UBE3D: variants seen among roughly 807,000 people sequenced by gnomAD.
The protein encoded by UBE3D is ubiquitin protein ligase E3D.
A neutral mutation model predicts 49.6 loss-of-function variants in UBE3D; 48 were observed. The ratio of observed to expected loss-of-function variants is 0.97; its 90% CI spans 0.77 to 1.23. UBE3D has a LOEUF of 1.23. Ranked by LOEUF, UBE3D falls within the 50% of genes most tolerant of loss-of-function variation. The pLI, the probability that UBE3D is intolerant of heterozygous loss-of-function variation, is 0.00. For synonymous variants in UBE3D, 189 were observed against 174.2 expected (o/e 1.08, Z -0.67); for missense variants, 452 against 468.4 (o/e 0.96, Z 0.32).
At chr6:82,927,401 G>T (rs1409461572) in intron 9 of UBE3D, among the ~76,000 whole-genome samples, 4 of 151,908 alleles carry the variant, frequency 2.6e-5, no homozygotes, top group Non-Finnish European at 5.9e-5. Context: ...AAAATTACTT[G>T]CTCAGATTTT....
intron 9 of UBE3D, among the ~76,000 whole-genome samples, chr6:82,937,890 A>G (rs1272375564): frequency 2.6e-5 from 4 of 152,110 alleles, no homozygotes; most frequent in African/African-American, 9.7e-5. Context: ...CAAGGGCCAG[A>G]TGGCACCCTA....
At chr6:82,920,649 T>C (rs1773260840) in intron 9 of UBE3D, among the ~76,000 whole-genome samples, 1 of 152,226 alleles carries the variant, frequency 6.6e-6, no homozygotes. Context: ...GAGATCTTCC[T>C]AATAAAGCAC....
chr6:83,035,285 T>G (rs935625760), intron 5 of UBE3D, among the ~76,000 whole-genome samples: 2 of 152,182 alleles, frequency 1.3e-5, no homozygotes, highest in African/African-American at 4.8e-5. Flanking sequence ...GGGACTTCCT[T>G]ATCCCGCTCT....
chr6:82,928,497 A>G (rs985219702), intron 9 of UBE3D, among the ~76,000 whole-genome samples: 5 of 152,186 alleles, frequency 3.3e-5, no homozygotes, highest in African/African-American at 1.2e-4. Flanking sequence ...AAATGTATTG[A>G]GAAGCTTAAA....
At chr6:82,995,515 C>CACACACACACAG (rs1171970963) in intron 8 of UBE3D, among the ~76,000 whole-genome samples, 5 of 151,862 alleles carry the variant, frequency 3.3e-5, no homozygotes, top group Admixed American at 6.6e-5. Flanking sequence ...CACACACACA[C>CACACACACACAG]AGTCACCAAC....
At chr6:82,887,552 T>C (rs1260253134), downstream of UBE3D, among the ~76,000 whole-genome samples, 1 of 149,968 alleles carries the variant, frequency 6.7e-6, no homozygotes, top group Non-Finnish European at 1.5e-5. Context: ...CTACTAAAAA[T>C]ACAAAAATTA....
At chr6:83,057,018 A>C (rs1194719406) in intron 2 of UBE3D, among the ~76,000 whole-genome samples, 4 of 152,250 alleles carry the variant, frequency 2.6e-5, no homozygotes, top group African/African-American at 9.6e-5. Context: ...TCTTAGAAAA[A>C]GCAAATTTTC....
chr6:82,984,392 T>C (rs956545409), intron 8 of UBE3D, among the ~76,000 whole-genome samples: 3 of 152,174 alleles, frequency 2.0e-5, no homozygotes, highest in African/African-American at 7.2e-5. Flanking sequence ...GTCCTTTAAT[T>C]TCCATCAATG....
chr6:83,045,984 A>G (rs1782999268), intron 3 of UBE3D, among the ~76,000 whole-genome samples: 1 of 152,198 alleles, frequency 6.6e-6, no homozygotes, highest in South Asian at 2.1e-4. Context: ...AATCTGAGTT[A>G]GTCTAATATT....
At chr6:83,060,865 G>A (rs907394720) in intron 1 of UBE3D, among the ~76,000 whole-genome samples, 1 of 152,094 alleles carries the variant, frequency 6.6e-6, no homozygotes, top group Non-Finnish European at 1.5e-5. Context: ...AAAACCCACT[G>A]AGTAACCCAC....
intron 4 of UBE3D, 57 bp from the exon 5 acceptor site, chr6:83,038,542 A>G: frequency 6.8e-7 from 1 of 1,463,406 alleles, no homozygotes; most frequent in Admixed American, 1.9e-5. Flanking sequence ...AAAGGAATAT[A>G]TAATTTTAAC....
intron 8 of UBE3D, among the ~76,000 whole-genome samples, chr6:82,993,343 T>C (rs1024349269): frequency 3.3e-4 from 12 of 35,842 alleles, no homozygotes; most frequent in African/African-American, 1.0e-3. Context: ...CTGACACCTA[T>C]CAGCCGACAG....
chr6:83,042,041 C>T (rs375511692), intron 4 of UBE3D, among the ~76,000 whole-genome samples: 1 of 152,242 alleles, frequency 6.6e-6, no homozygotes, highest in African/African-American at 2.4e-5. Context: ...TCCTGAGTAG[C>T]TGGGACTACA....
intron 8 of UBE3D, among the ~76,000 whole-genome samples, chr6:82,963,661 G>A (rs1412526654): frequency 6.6e-6 from 1 of 152,120 alleles, no homozygotes; most frequent in East Asian, 1.9e-4. Flanking sequence ...TGGGCTGGCA[G>A]TTGATTAGAT....
chr6:82,885,831 G>A, the UBE3D span, among the ~76,000 whole-genome samples: 1 of 152,164 alleles, frequency 6.6e-6, no homozygotes, highest in Non-Finnish European at 1.5e-5. Flanking sequence ...CCAGCCAAAT[G>A]TTCTTACTAT....
intron 4 of UBE3D, among the ~76,000 whole-genome samples, chr6:83,041,072 A>G (rs1194918702): frequency 2.6e-5 from 4 of 152,246 alleles, no homozygotes; most frequent in Non-Finnish European, 4.4e-5. Context: ...TATACAAGTT[A>G]AATCTGATCA....
intron 9 of UBE3D, among the ~76,000 whole-genome samples, chr6:82,938,997 C>T (rs915178270): frequency 1.3e-5 from 2 of 151,590 alleles, no homozygotes; most frequent in African/African-American, 4.9e-5. Context: ...CAGTGAGCTA[C>T]GATCGTGCTA....
At chr6:82,930,927 T>C (rs1430966039) in intron 9 of UBE3D, among the ~76,000 whole-genome samples, 3 of 152,210 alleles carry the variant, frequency 2.0e-5, no homozygotes, top group Non-Finnish European at 4.4e-5. Context: ...AAAATTTCTC[T>C]AGGGCATGTC....
At chr6:83,009,088 A>C (rs1780175941) in intron 8 of UBE3D, among the ~76,000 whole-genome samples, 2 of 152,214 alleles carry the variant, frequency 1.3e-5, no homozygotes, top group South Asian at 4.1e-4. Flanking sequence ...AGGCAGGTGC[A>C]TCAAATTCTT....
Sources: gnomAD v4.1 joint callset for allele counts (sites outside exome capture counted in the v4.1 genomes callset) on GRCh38, gnomAD v4.1.1 for gene constraint, MANE v1.5 for transcripts, NCBI Gene and HGNC (gene_info 2026-07-23, HGNC 2026-07-21) for gene names.